EMP2: variants seen among roughly 807,000 people sequenced by gnomAD.
EMP2 encodes the protein epithelial membrane protein 2.
Under a neutral mutation model 13.7 loss-of-function variants are expected in EMP2, and 19 were observed. That is an observed-to-expected ratio of 1.38 (90% CI 0.97 to 2.03). The LOEUF (loss-of-function observed/expected upper bound fraction) is 2.03. Ranked by LOEUF, EMP2 falls within the 30% of genes most tolerant of loss-of-function variation. The pLI is 0.00. For synonymous variants in EMP2, 97 were observed against 84.7 expected (o/e 1.15, Z -0.80); for missense variants, 253 against 220.7 (o/e 1.15, Z -0.93).
intron 4 of EMP2, among the ~76,000 whole-genome samples, chr16:10,535,835 A>G (rs1012201410): frequency 9.9e-5 from 15 of 152,126 alleles, no homozygotes; most frequent in Admixed American, 7.2e-4. Context: ...CCTCCTGACT[A>G]CCTCGCCCAG....
chr16:10,545,864 T>G (rs950220263), intron 2 of EMP2: 1 of 151,814 alleles, frequency 6.6e-6, no homozygotes, highest in East Asian at 1.9e-4. Flanking sequence ...CTATAATCCA[T>G]AGCAGCAATG....
chr16:10,572,746 C>G (rs1246919482), intron 1 of EMP2, among the ~76,000 whole-genome samples: 2 of 152,188 alleles, frequency 1.3e-5, no homozygotes, highest in Admixed American at 1.3e-4. Context: ...ACCTGTAGCA[C>G]CCCGCAATCC....
rs1596365038 is a variant in EMP2 at position 10,530,655 on chromosome 16, T to C, written c.*2250A>G. On this transcript the variant is annotated 3_prime_UTR_variant, in exon 5 of 5. Coordinates refer to ENST00000359543, the MANE Select transcript of EMP2 (RefSeq NM_001424.6). ...GACAAGGCCCCAAAAGCCCTATTTC[T>C]CAGCACAGTCTTAAAATCACCTGGA... 6.6e-6 allele frequency: 1 copy of C among 152,578 alleles called. No individual in the cohort carries two copies. 9.5% of individuals were successfully genotyped at this position (152,578 alleles called of 1,614,324 possible). A position where few individuals can be genotyped will look rare whatever the true frequency, so the allele number is the denominator to read the frequency against.
In EMP2 at chr16:10,574,562, TAC is replaced by T. The variant is rs1451087977; in HGVS notation, c.-61+5985_-61+5986del. Among the ~76,000 whole-genome samples, 11 of 149,368 alleles carry T rather than the reference TAC, an allele frequency of 7.4e-5. No homozygotes were observed. In the South Asian group the frequency reaches 2.3e-3, roughly 31 times the overall value. On this transcript the variant is annotated intron_variant, in intron 1 of 4. Coordinates refer to ENST00000359543, the MANE Select transcript of EMP2 (RefSeq NM_001424.6). ...CTCTGCCTTTTCTTTTTAAAAATTA[TAC>T]ATTTTTTTTTTTGAGATGGAGTCTC...
chr16:10,534,247 G>C (rs111485055), intron 4 of EMP2, among the ~76,000 whole-genome samples: 42 of 152,264 alleles, frequency 2.8e-4, no homozygotes, highest in African/African-American at 8.7e-4. Context: ...TGGAGTTGCA[G>C]CAAACTTTTT....
At chr16:10,562,953 C>T (rs147109899) in intron 1 of EMP2, among the ~76,000 whole-genome samples, 230 of 152,296 alleles carry the variant, frequency 1.5e-3, no homozygotes, top group African/African-American at 5.3e-3. Flanking sequence ...AACCACACTG[C>T]AGCCCAGAGA....
intron 1 of EMP2, among the ~76,000 whole-genome samples, chr16:10,559,488 G>C (rs1054161150): frequency 6.6e-6 from 1 of 152,236 alleles, no homozygotes; most frequent in Non-Finnish European, 1.5e-5. Flanking sequence ...AGAAGCCACT[G>C]AGGATCATTC....
rs140353065 is a variant in EMP2, at chr16:10,537,812, G to A, written c.316+116C>T. On this transcript the variant is annotated intron_variant, in intron 4 of 4. Transcript: ENST00000359543. Reference sequence around the variant, plus strand: ...CACACACCGGCACACAGCACCGCGCGGCTGCCAATTTCTCCTTTCCAAATT... The same window carrying A: ...CACACACCGGCACACAGCACCGCGCAGCTGCCAATTTCTCCTTTCCAAATT... 1.4e-4 allele frequency: 200 copies of A among 1,379,858 alleles called. 2 individuals carry two copies. Among genetic ancestry groups the A allele is most frequent in the Non-Finnish European group, 1.4e-4 (138 of 994,398 alleles). 85.5% of individuals were successfully genotyped at this position (1,379,858 alleles called of 1,614,324 possible).
At chr16:10,546,220 C>T (rs1039422456) in intron 2 of EMP2, 5 of 152,122 alleles carry the variant, frequency 3.3e-5, no homozygotes, top group African/African-American at 7.2e-5. Context: ...CAACGGGAGC[C>T]GTATATGTAG....
At chr16:10,550,790 C>T (rs142759720) in intron 1 of EMP2, among the ~76,000 whole-genome samples, 5 of 152,244 alleles carry the variant, frequency 3.3e-5, no homozygotes, top group South Asian at 4.1e-4. Flanking sequence ...GCCTGGCCAA[C>T]GTAGTGAAAC....
chr16:10,578,861 G>A (rs757974295), intron 1 of EMP2, among the ~76,000 whole-genome samples: 16 of 152,250 alleles, frequency 1.1e-4, no homozygotes, highest in East Asian at 3.9e-4. Flanking sequence ...TCCCTGGGCT[G>A]TAGTCTTGGC....
At chr16:10,548,429 G>A (rs1041153191) in intron 1 of EMP2, among the ~76,000 whole-genome samples, 4 of 152,120 alleles carry the variant, frequency 2.6e-5, no homozygotes, top group East Asian at 1.9e-4. Flanking sequence ...GGTGGCTCAC[G>A]CCTGTAATCT....
At chr16:10,543,444 G>A in intron 3 of EMP2, 126 bp downstream of exon 3, 5 of 1,083,286 alleles carry the variant, frequency 4.6e-6, no homozygotes, top group Non-Finnish European at 6.9e-6. Context: ...AGCAAACGCG[G>A]CCAGGCCCAC....
intron 1 of EMP2, among the ~76,000 whole-genome samples, chr16:10,563,911 A>G (rs891354873): frequency 6.6e-6 from 1 of 152,204 alleles, no homozygotes; most frequent in Admixed American, 6.5e-5. Flanking sequence ...CGAGCCCCCA[A>G]ATTGGGGCTT....
chr16:10,551,257 G>A (rs1462682814), intron 1 of EMP2, among the ~76,000 whole-genome samples: 1 of 152,044 alleles, frequency 6.6e-6, no homozygotes, highest in Non-Finnish European at 1.5e-5. Flanking sequence ...GTGGCCTTTT[G>A]TGTCTGTCTT....
chr16:10,574,521 G>C (rs946102483), intron 1 of EMP2, among the ~76,000 whole-genome samples: 1 of 151,644 alleles, frequency 6.6e-6, no homozygotes, highest in Non-Finnish European at 1.5e-5. Flanking sequence ...CCTCCAGCAG[G>C]GTCCCTGCTC....
At chr16:10,555,595 T>C (rs561930148) in intron 1 of EMP2, among the ~76,000 whole-genome samples, 28 of 117,870 alleles carry the variant, frequency 2.4e-4, no homozygotes, top group Admixed American at 6.2e-4. Flanking sequence ...ACTTTTTTTT[T>C]CTTTTTTTTT....
intron 2 of EMP2, chr16:10,547,315 G>T (rs144120177): frequency 1.6e-5 from 8 of 503,310 alleles, no homozygotes; most frequent in African/African-American, 1.6e-4. Context: ...CCCTGCACAC[G>T]CTCTCTTGCC....
At chr16:10,560,153 A>G (rs1201397293) in intron 1 of EMP2, among the ~76,000 whole-genome samples, 1 of 152,206 alleles carries the variant, frequency 6.6e-6, no homozygotes, top group East Asian at 1.9e-4. Context: ...TGTTACTTTA[A>G]GAGCTGATCA....
Sources: gnomAD v4.1 joint callset for allele counts (sites outside exome capture counted in the v4.1 genomes callset) on GRCh38, gnomAD v4.1.1 for gene constraint, MANE v1.5 for transcripts, NCBI Gene and HGNC (gene_info 2026-07-23, HGNC 2026-07-21) for gene names.